Variants in MOB1B observed in about 807,000 individuals in gnomAD.
MOB1B encodes the protein MOB1 Mps One Binder homolog B.
Under a neutral mutation model 24.4 loss-of-function variants are expected in MOB1B, and 19 were observed. The observed-to-expected ratio is 0.78, with a 90% confidence interval of 0.54 to 1.14. MOB1B has a LOEUF of 1.14. Among genes scored for constraint, MOB1B ranks in the 50% most tolerant of loss-of-function variants. The pLI, the probability that MOB1B is intolerant of heterozygous loss-of-function variation, is 0.00. For synonymous variants in MOB1B, 76 were observed against 82.1 expected, an observed-to-expected ratio of 0.93 and a Z score of 0.40; for missense variants, 243 against 259.6, an observed-to-expected ratio of 0.94 and a Z score of 0.44.
chr4:70,972,504 G>T (rs1738798065), intron 3 of MOB1B, among the ~76,000 whole-genome samples: 1 of 151,856 alleles, frequency 6.6e-6, no homozygotes, highest in African/African-American at 2.4e-5. Context: ...GTGAGCCACT[G>T]CACCTGGCCC....
At chr4:70,964,821 G>A (rs1465955735) in intron 2 of MOB1B, among the ~76,000 whole-genome samples, 5 of 151,504 alleles carry the variant, frequency 3.3e-5, no homozygotes, top group East Asian at 1.9e-4. Context: ...TCCCAGCTAC[G>A]TGGGAGGCTG....
At chr4:70,943,703 TATA>T (rs1365173078) in intron 1 of MOB1B, among the ~76,000 whole-genome samples, 1 of 152,154 alleles carries the variant, frequency 6.6e-6, no homozygotes, top group Non-Finnish European at 1.5e-5. Context: ...GCTTGGTAAA[TATA>T]GTAGTAGAAG....
At chr4:70,920,868 A>T (rs957779461) in intron 1 of MOB1B, among the ~76,000 whole-genome samples, 1 of 152,192 alleles carries the variant, frequency 6.6e-6, no homozygotes, top group Non-Finnish European at 1.5e-5. Context: ...TAAAATCCAA[A>T]AAGTTAGCTT....
At chr4:70,975,856 A>G (rs892037756) in intron 4 of MOB1B, 23 of 871,538 alleles carry the variant, frequency 2.6e-5, no homozygotes, top group Non-Finnish European at 3.0e-5. Flanking sequence ...TTTATCATGA[A>G]CATTAAGGTA....
rs537448770 is a variant in MOB1B, at chr4:70,979,150, C to T, written c.432C>T (p.Phe144=). ...TAGGTGTCCCGTTCCCAAAGAATTT[C>T]ATGTCTGTGGCAAAAACTATACTCA... ...SKIGVPFPKN[F]MSVAKTILKR... The change falls in exon 5 of 6, where the codon TTC becomes TTT. Residue 144 remains phenylalanine (F), a synonymous_variant. Coordinates refer to ENST00000309395, the MANE Select transcript of MOB1B (RefSeq NM_173468.4). The T allele has an allele frequency of 1.2e-6, 2 of 1,613,316 alleles. No individual in the cohort carries two copies. Among genetic ancestry groups the T allele is most frequent in the Non-Finnish European group, 1.7e-6 (2 of 1,179,562 alleles).
chr4:70,906,060 G>A (rs1356305840), intron 1 of MOB1B, among the ~76,000 whole-genome samples: 2 of 151,272 alleles, frequency 1.3e-5, no homozygotes, highest in East Asian at 3.9e-4. Context: ...CTGGCTGATA[G>A]AGAGTGAGAC....
intron 1 of MOB1B, among the ~76,000 whole-genome samples, chr4:70,931,871 C>T (rs1736901607): frequency 6.6e-6 from 1 of 151,806 alleles, no homozygotes; most frequent in Non-Finnish European, 1.5e-5. Flanking sequence ...GCTGGGAGTA[C>T]AGGCACATGC....
At chr4:70,920,625 A>G (rs1441971213) in intron 1 of MOB1B, among the ~76,000 whole-genome samples, 1 of 152,226 alleles carries the variant, frequency 6.6e-6, no homozygotes, top group Non-Finnish European at 1.5e-5. Flanking sequence ...AGCCAGATAT[A>G]GACTGGTAAG....
intron 1 of MOB1B, among the ~76,000 whole-genome samples, chr4:70,938,678 C>G (rs1737192385): frequency 7.1e-6 from 1 of 141,766 alleles, no homozygotes. Flanking sequence ...CTTGCACCTC[C>G]AGAGTATTCT....
intron 1 of MOB1B, among the ~76,000 whole-genome samples, chr4:70,939,730 G>A (rs1406587176): frequency 6.6e-6 from 1 of 152,180 alleles, no homozygotes; most frequent in Non-Finnish European, 1.5e-5. Flanking sequence ...AGCCCCAGTG[G>A]GCGTGTGTTA....
intron 1 of MOB1B, among the ~76,000 whole-genome samples, chr4:70,910,552 C>G (rs1252908485): frequency 6.6e-6 from 1 of 151,788 alleles, no homozygotes; most frequent in African/African-American, 2.4e-5. Context: ...ATTATTGTCT[C>G]ATGATGCTGG....
At chr4:70,913,228 A>G (rs1736065551) in intron 1 of MOB1B, among the ~76,000 whole-genome samples, 1 of 151,996 alleles carries the variant, frequency 6.6e-6, no homozygotes, top group Non-Finnish European at 1.5e-5. Context: ...GAAGCCATGT[A>G]TGTTTTTCTT....
chr4:70,933,620 C>T (rs572254842), intron 1 of MOB1B, among the ~76,000 whole-genome samples: 8 of 132,438 alleles, frequency 6.0e-5, no homozygotes, highest in African/African-American at 1.1e-4. Context: ...GGTGTGATCT[C>T]GGCTCACTGC....
At chr4:70,933,041 C>T (rs1440732149) in intron 1 of MOB1B, among the ~76,000 whole-genome samples, 1 of 152,142 alleles carries the variant, frequency 6.6e-6, no homozygotes, top group African/African-American at 2.4e-5. Flanking sequence ...AACTGACTCC[C>T]AATTCCACAG....
chr4:70,976,045 G>A (rs575205362), intron 4 of MOB1B: 8 of 259,198 alleles, frequency 3.1e-5, no homozygotes, highest in South Asian at 2.9e-4. Flanking sequence ...GACTACAGAC[G>A]CGTGCCACCA....
Position 70,983,833 on chromosome 4 carries a change from A to G in MOB1B, c.*1776A>G. ...ACAGGAAAGCCTGGCAGAGTTAAAT[A>G]TCTTGGACATTTATTGGTAAAGCTT... On this transcript the variant is annotated 3_prime_UTR_variant, in exon 6 of 6. Coordinates refer to ENST00000309395, the MANE Select transcript of MOB1B (RefSeq NM_173468.4). 6.6e-6 allele frequency: 1 copy of G among 152,608 alleles called. No individual in the cohort carries two copies. The highest frequency in any genetic ancestry group is 1.5e-5 in the Non-Finnish European group (1 of 67,994). 9.5% of individuals were successfully genotyped at this position (152,608 alleles called of 1,614,324 possible).
chr4:70,913,449 G>A (rs74475930), intron 1 of MOB1B, among the ~76,000 whole-genome samples: 3 of 151,800 alleles, frequency 2.0e-5, no homozygotes, highest in Non-Finnish European at 2.9e-5. Context: ...GGCATGTGTC[G>A]CCACACCCCG....
intron 1 of MOB1B, among the ~76,000 whole-genome samples, chr4:70,937,116 C>T (rs1370634675): frequency 6.6e-6 from 1 of 152,000 alleles, no homozygotes; most frequent in Non-Finnish European, 1.5e-5. Context: ...CGGGGTTTTG[C>T]CATATTGGCT....
intron 1 of MOB1B, among the ~76,000 whole-genome samples, chr4:70,934,031 GA>G (rs371506969): frequency 2.9e-4 from 44 of 152,140 alleles, no homozygotes; most frequent in East Asian, 1.2e-3. Flanking sequence ...CTACAAAGAA[GA>G]AAAAAAGTTT....
Sources: allele counts gnomAD v4.1 joint callset (sites outside exome capture counted in the v4.1 genomes callset), GRCh38; gene constraint gnomAD v4.1.1; transcripts MANE v1.5; gene names NCBI Gene and HGNC (gene_info 2026-07-23, HGNC 2026-07-21).